The following CACUL1 variants were observed in gnomAD, a reference collection of about 807,000 sequenced individuals.
CACUL1 encodes the protein CDK2-associated and cullin domain-containing protein 1.
A neutral mutation model predicts 45.2 loss-of-function variants in CACUL1; 13 were observed. That is an observed-to-expected ratio of 0.29 (90% CI 0.19 to 0.46). The LOEUF (loss-of-function observed/expected upper bound fraction) is 0.46, where lower values mean the gene tolerates loss of function less well. Ranked by LOEUF, CACUL1 falls within the 20% of genes least tolerant of loss-of-function variation. The probability of loss-of-function intolerance (pLI) is 1.00; values close to 1 mark genes in which losing one functional copy is unlikely to be tolerated. For missense variants in CACUL1, 421 were observed against 471.4 expected, an observed-to-expected ratio of 0.89 and a Z score of 0.99; for synonymous variants, 197 against 174.2, an observed-to-expected ratio of 1.13 and a Z score of -1.03.
chr10:118,702,770 TG>T (rs1480030551), intron 4 of CACUL1, among the ~76,000 whole-genome samples: 2 of 151,926 alleles, frequency 1.3e-5, no homozygotes, highest in Admixed American at 1.3e-4. Context: ...TTAGTAGAGA[TG>T]GGGTTTCATC....
rs1265931711 is a variant in CACUL1, at chr10:118,691,322, T to G, written c.968A>C (p.Glu323Ala). 1.9e-6 allele frequency: 3 copies of G among 1,612,572 alleles called. No individual in the cohort carries two copies. The highest frequency in any genetic ancestry group is 4.5e-5 in the East Asian group (2 of 44,868). Residue 323 changes from glutamate (E) to alanine (A), a missense_variant, in exon 7 of 9, where the codon GAA (glutamate) becomes GCA (alanine). Around this residue, in one of 2 missense-constraint regions of CACUL1, gnomAD observed 208 missense variants for 298.4 expected, o/e 0.70. Coordinates refer to ENST00000369151, the MANE Select transcript of CACUL1 (RefSeq NM_153810.5). ...LPPAVESELS[E>A]YAAQDQKFQR... ...AAATTTCTGATCTTGAGCAGCATAT[T>G]CAGAAAGTTCAGATTCCACCGCCGG...
chr10:118,701,206 A>C, intron 5 of CACUL1, 100 bp downstream of exon 5: 1 of 584,762 alleles, frequency 1.7e-6, no homozygotes, highest in South Asian at 3.2e-5. Context: ...AGAAGATGTT[A>C]ACATTGGGGT....
At chr10:118,741,443 G>T (rs1320721212) in intron 1 of CACUL1, among the ~76,000 whole-genome samples, 1 of 151,506 alleles carries the variant, frequency 6.6e-6, no homozygotes, top group African/African-American at 2.4e-5. Context: ...CTGTTCCATA[G>T]ACACCTTAAA....
chr10:118,710,064 C>T (rs1260620985), intron 3 of CACUL1, among the ~76,000 whole-genome samples: 2 of 151,378 alleles, frequency 1.3e-5, no homozygotes, highest in Non-Finnish European at 2.9e-5. Flanking sequence ...AGGTATGCAG[C>T]ACTAGGCCTG....
chr10:118,681,120 A>G lies in CACUL1; in HGVS notation c.*5008T>C, dbSNP rs1487731129. On this transcript the variant is annotated 3_prime_UTR_variant, in exon 9 of 9. Transcript: ENST00000369151. ...GTCAGTGGCTTTGTATCCCAGGTCA[A>G]TAGGAGTTTCATCCGCCATTTTGTT... 6.6e-6 allele frequency: 1 copy of G among 152,250 alleles called. No homozygotes were observed. Among genetic ancestry groups the G allele is most frequent in the Non-Finnish European group, 1.5e-5 (1 of 68,052 alleles). The allele number at this position is 152,250 out of a possible 1,614,324, so 9.4% of individuals were successfully genotyped here.
rs561917902 is a variant in CACUL1, at chr10:118,682,597, G to A, written c.*3531C>T. On this transcript the variant is annotated 3_prime_UTR_variant, in exon 9 of 9. Coordinates refer to ENST00000369151, the MANE Select transcript of CACUL1 (RefSeq NM_153810.5). Reference sequence around the variant, plus strand: ...CTAGTATGCGTACAGACCACCACTCGGAAGTTATCCTTTTGTGCTGAAAAA... The same window carrying A: ...CTAGTATGCGTACAGACCACCACTCAGAAGTTATCCTTTTGTGCTGAAAAA... 1.3e-5 allele frequency: 2 copies of A among 152,744 alleles called. No homozygotes were observed. Among genetic ancestry groups the A allele is most frequent in the East Asian group, 1.9e-4 (1 of 5,186 alleles). The allele number at this position is 152,744 out of a possible 1,614,324, so 9.5% of individuals were successfully genotyped here. A position where few individuals can be genotyped will look rare whatever the true frequency, so the allele number is the denominator to read the frequency against.
At chr10:118,712,576 G>T (rs562121968) in intron 3 of CACUL1, among the ~76,000 whole-genome samples, 1 of 152,360 alleles carries the variant, frequency 6.6e-6, no homozygotes, top group African/African-American at 2.4e-5. Context: ...AGACAAAGAG[G>T]AGCTTCACTG....
intron 3 of CACUL1, among the ~76,000 whole-genome samples, chr10:118,725,039 T>C (rs374657411): frequency 1.3e-5 from 2 of 152,224 alleles, no homozygotes; most frequent in Admixed American, 6.5e-5. Context: ...ATTTACTGAA[T>C]TGGTAAACCA....
At chr10:118,691,628 G>A in intron 6 of CACUL1, 1 of 381,712 alleles carries the variant, frequency 2.6e-6, no homozygotes, top group Non-Finnish European at 4.8e-6. Flanking sequence ...AGCACTTTGG[G>A]AGGCCGAGGC....
At chr10:118,722,378 C>T (rs973618004) in intron 3 of CACUL1, among the ~76,000 whole-genome samples, 7 of 152,028 alleles carry the variant, frequency 4.6e-5, no homozygotes, top group Non-Finnish European at 1.0e-4. Context: ...TGTGAGCCAC[C>T]GCACCCAGCC....
intron 1 of CACUL1, among the ~76,000 whole-genome samples, chr10:118,736,151 G>A (rs1056292562): frequency 1.3e-5 from 2 of 152,124 alleles, no homozygotes; most frequent in Non-Finnish European, 2.9e-5. Flanking sequence ...GAATGGAAGG[G>A]AAGCCCTTGT....
At chr10:118,742,938 C>T (rs114613148) in intron 1 of CACUL1, among the ~76,000 whole-genome samples, 31 of 152,206 alleles carry the variant, frequency 2.0e-4, no homozygotes, top group African/African-American at 7.2e-4. Context: ...GAACTTTAGA[C>T]GCAACAAGTC....
intron 3 of CACUL1, among the ~76,000 whole-genome samples, chr10:118,722,990 G>T (rs1005480593): frequency 1.3e-5 from 2 of 152,212 alleles, no homozygotes; most frequent in Non-Finnish European, 2.9e-5. Flanking sequence ...AAGTAGGTAT[G>T]AGTGCAGAAC....
At chr10:118,706,860 T>C (rs1845437096) in intron 4 of CACUL1, among the ~76,000 whole-genome samples, 2 of 152,220 alleles carry the variant, frequency 1.3e-5, no homozygotes, top group Admixed American at 6.5e-5. Context: ...AAGATTGCTA[T>C]CCACATACAG....
chr10:118,747,744 G>A (rs575956978), intron 1 of CACUL1, among the ~76,000 whole-genome samples: 1 of 152,218 alleles, frequency 6.6e-6, no homozygotes, highest in South Asian at 2.1e-4. Context: ...AGATCAGTAG[G>A]AATGCTTGGG....
intron 1 of CACUL1, among the ~76,000 whole-genome samples, chr10:118,754,171 C>A (rs1845927317): frequency 6.6e-6 from 1 of 152,114 alleles, no homozygotes; most frequent in African/African-American, 2.4e-5. Context: ...CCTCTCTAGG[C>A]CAGGTAATAC....
chr10:118,741,202 G>T (rs1845789999), intron 1 of CACUL1, among the ~76,000 whole-genome samples: 1 of 152,048 alleles, frequency 6.6e-6, no homozygotes, highest in Non-Finnish European at 1.5e-5. Flanking sequence ...CATAATTTGA[G>T]TTTTAAAATT....
chr10:118,706,579 T>C (rs1388828681), intron 4 of CACUL1, among the ~76,000 whole-genome samples: 1 of 152,236 alleles, frequency 6.6e-6, no homozygotes, highest in Non-Finnish European at 1.5e-5. Context: ...TTTTCCTTAG[T>C]TTCATGATTC....
rs1224693609 is a variant in CACUL1 at position 118,682,991 on chromosome 10, A to G, written c.*3137T>C. 1 of 152,232 alleles carries G rather than the reference A, an allele frequency of 6.6e-6. No individual in the cohort carries two copies. The highest frequency in any genetic ancestry group is 2.4e-5 in the African/African-American group (1 of 41,464). 9.4% of individuals were successfully genotyped at this position (152,232 alleles called of 1,614,324 possible). On this transcript the variant is annotated 3_prime_UTR_variant, in exon 9 of 9. Transcript: ENST00000369151. The stretch of plus-strand genomic sequence containing the variant: ...AACCTTGCCTAAGAACCATTAGGAT[A>G]AAAGTCACAACACCAGGTTTTGCTT...
Sources: allele counts gnomAD v4.1 joint callset (sites outside exome capture counted in the v4.1 genomes callset), GRCh38; gene constraint gnomAD v4.1.1; regional missense constraint gnomAD v4.1.1; transcripts MANE v1.5; gene names NCBI Gene and HGNC (gene_info 2026-07-23, HGNC 2026-07-21).